ZBTB40: variants seen among roughly 807,000 people sequenced by gnomAD.
ZBTB40 encodes the protein zinc finger and BTB domain containing 40, also known as zinc finger and BTB domain-containing protein 40.
ZBTB40 carries 60 observed loss-of-function variants against 117.5 expected under a neutral mutation model. The observed-to-expected ratio is 0.51, with a 90% CI of 0.41 to 0.63. The LOEUF (loss-of-function observed/expected upper bound fraction) is 0.63, where lower values mean the gene tolerates loss of function less well. Among genes scored for constraint, ZBTB40 ranks in the 30% least tolerant of loss-of-function variants. The pLI is 0.00. For missense variants in ZBTB40, 1,287 were observed against 1,498.5 expected (o/e 0.86, Z 2.33); for synonymous variants, 525 against 577.1 (o/e 0.91, Z 1.29).
At chr1:22,520,522 C>G (rs528968972) in intron 14 of ZBTB40, among the ~76,000 whole-genome samples, 1 of 152,316 alleles carries the variant, frequency 6.6e-6, no homozygotes, top group African/African-American at 2.4e-5. Context: ...AGACAGCAGA[C>G]TTGTCGTGAA....
intron 1 of ZBTB40, among the ~76,000 whole-genome samples, chr1:22,482,796 G>A (rs1638359728): frequency 6.6e-6 from 1 of 152,172 alleles, no homozygotes; most frequent in African/African-American, 2.4e-5. Context: ...TTAAGGCCGG[G>A]TGCGGTGGCT....
At chr1:22,452,908 C>T (rs1640917408) in intron 1 of ZBTB40, 1 of 152,332 alleles carries the variant, frequency 6.6e-6, no homozygotes, top group Non-Finnish European at 1.5e-5. Context: ...TATTTATATT[C>T]ATACAAGTGT....
chr1:22,512,270 G>A (rs1639261168), intron 11 of ZBTB40, 136 bp downstream of exon 11: 2 of 1,006,240 alleles, frequency 2.0e-6, no homozygotes, highest in Non-Finnish European at 3.0e-6. Flanking sequence ...TACAGAGGCA[G>A]GGTAATATTT....
rs1435187586 is a variant in ZBTB40 at position 22,529,790 on chromosome 1, A to T, written c.*3394A>T. 2 of 152,202 alleles carry T rather than the reference A, an allele frequency of 1.3e-5. No homozygotes were observed. Among genetic ancestry groups the T allele is most frequent in the Admixed American group, 1.3e-4 (2 of 15,276 alleles). 9.4% of individuals were successfully genotyped at this position (152,202 alleles called of 1,614,324 possible). A position where few individuals can be genotyped will look rare whatever the true frequency, so the allele number is the denominator to read the frequency against. ...CTCTGAGGAAGCATTCTGACTTCCC[A>T]CTGACCACGGAAGGCATGTCAGCTT... is the stretch of plus-strand genomic sequence containing the variant. On this transcript the variant is annotated 3_prime_UTR_variant, in exon 18 of 18. Coordinates refer to ENST00000375647, the MANE Select transcript of ZBTB40 (RefSeq NM_014870.4).
At chr1:22,429,647 AC>A (rs1434264426) in intron 1 of ZBTB40, among the ~76,000 whole-genome samples, 1 of 152,212 alleles carries the variant, frequency 6.6e-6, no homozygotes, top group Non-Finnish European at 1.5e-5. Flanking sequence ...TGGAAAGTAT[AC>A]TGGGCTGGTT....
At chr1:22,459,901 T>C (rs1380724535) in intron 1 of ZBTB40, among the ~76,000 whole-genome samples, 2 of 152,242 alleles carry the variant, frequency 1.3e-5, no homozygotes, top group Admixed American at 6.5e-5. Context: ...TGTTTTTCCT[T>C]ATATAAAATC....
At chr1:22,443,811 T>C (rs1640759642) in intron 1 of ZBTB40, among the ~76,000 whole-genome samples, 1 of 152,130 alleles carries the variant, frequency 6.6e-6, no homozygotes. Context: ...TGATGTCAGG[T>C]TGGAATTTGG....
intron 1 of ZBTB40, among the ~76,000 whole-genome samples, chr1:22,485,302 G>C (rs1416429819): frequency 6.6e-6 from 1 of 152,146 alleles, no homozygotes; most frequent in Admixed American, 6.5e-5. Context: ...GGAGGTTATT[G>C]TTGATTCACC....
In ZBTB40 at chr1:22,530,054, C is replaced by A. The variant is rs145926184; in HGVS notation, c.*3658C>A. 6.6e-6 allele frequency: 1 copy of A among 151,920 alleles called. No individual in the cohort carries two copies. 9.4% of individuals were successfully genotyped at this position (151,920 alleles called of 1,614,324 possible). Reference sequence around the variant, plus strand: ...GTGGCGGGTGTGTGTTTAAACCTCACGTGCCTGGAAGCTGCACATTGACCA... The same window carrying A: ...GTGGCGGGTGTGTGTTTAAACCTCAAGTGCCTGGAAGCTGCACATTGACCA... On this transcript the variant is annotated 3_prime_UTR_variant, in exon 18 of 18. Coordinates refer to ENST00000375647, the MANE Select transcript of ZBTB40 (RefSeq NM_014870.4).
Position 22,521,566 on chromosome 1 carries a change from C to T in ZBTB40, c.3119C>T (p.Ser1040Phe), listed in dbSNP as rs200118162. 1 of 1,614,244 alleles carries T rather than the reference C, an allele frequency of 6.2e-7. No individual in the cohort carries two copies. The highest frequency in any genetic ancestry group is 1.7e-5 in the Admixed American group (1 of 60,032). The change falls in exon 15 of 18, where the codon TCT (serine) becomes TTT (phenylalanine). Residue 1040 changes from serine to phenylalanine, a missense_variant. Physicochemically the swap from Ser to Phe is radical, Grantham distance 155. Around this residue, in one of 2 missense-constraint regions of ZBTB40, gnomAD observed 417 missense variants for 564.1 expected, o/e 0.74. Transcript: ENST00000375647. ...GTATTTGCTGCTCAGAACCACCGAT[C>T]TTCCAAGTTCTCATCACTCCAGTGC... ...PDVFAAQNHRSSKFSSLQCSS... is the reference protein window; with the variant it reads ...PDVFAAQNHRFSKFSSLQCSS...
chr1:22,459,940 C>T (rs914348049), intron 1 of ZBTB40, among the ~76,000 whole-genome samples: 11 of 152,066 alleles, frequency 7.2e-5, no homozygotes, highest in African/African-American at 1.9e-4. Flanking sequence ...TTTATTAGAC[C>T]TTTATTCTTA....
At chr1:22,453,383 G>A (rs1166575325) in intron 1 of ZBTB40, among the ~76,000 whole-genome samples, 2 of 152,160 alleles carry the variant, frequency 1.3e-5, no homozygotes, top group Non-Finnish European at 1.5e-5. Flanking sequence ...CACTTACTGT[G>A]TACCAGAGAC....
intron 8 of ZBTB40, 119 bp downstream of exon 8, chr1:22,508,850 G>A (rs1460519956): frequency 3.4e-6 from 4 of 1,170,754 alleles, no homozygotes; most frequent in South Asian, 2.8e-5. Context: ...TTAGAAGTAA[G>A]GACTGGCAGT....
In ZBTB40 at chr1:22,521,676, C is replaced by T; in HGVS notation, c.3211+18C>T. 1 of 1,614,228 alleles carries T rather than the reference C, an allele frequency of 6.2e-7. No individual in the cohort carries two copies. Among genetic ancestry groups the T allele is most frequent in the Non-Finnish European group, 8.5e-7 (1 of 1,180,038 alleles). ...ACATGCAGGTGGAGTTTGGGTACCGCCGGCAGAGAGCGGGAGGGGCTTGAT... is the reference window on the plus strand; with the variant it reads ...ACATGCAGGTGGAGTTTGGGTACCGTCGGCAGAGAGCGGGAGGGGCTTGAT... On this transcript the variant is annotated intron_variant, in intron 15 of 17. Transcript: ENST00000375647.
intron 12 of ZBTB40, 41 bp from the exon 13 acceptor site, chr1:22,517,259 A>G: frequency 6.2e-7 from 1 of 1,612,182 alleles, no homozygotes; most frequent in Non-Finnish European, 8.5e-7. Context: ...AATGCCATAA[A>G]TTTTTAGTGC....
intron 3 of ZBTB40, among the ~76,000 whole-genome samples, chr1:22,499,226 T>C (rs1364663818): frequency 6.6e-6 from 1 of 152,214 alleles, no homozygotes. Context: ...GCCACATGGG[T>C]GTCTCCGTAG....
At chr1:22,447,042 G>A (rs187754657), upstream of ZBTB40, among the ~76,000 whole-genome samples, 1 of 151,796 alleles carries the variant, frequency 6.6e-6, no homozygotes, top group Admixed American at 6.6e-5. Flanking sequence ...GGTCGAGGCT[G>A]CAGTGAGCCA....
intron 1 of ZBTB40, among the ~76,000 whole-genome samples, chr1:22,469,214 A>G (rs1641339651): frequency 6.6e-6 from 1 of 152,156 alleles, no homozygotes; most frequent in Non-Finnish European, 1.5e-5. Context: ...TAAAGCTTAC[A>G]TTTTTATGTA....
intron 17 of ZBTB40, 24 bp downstream of exon 17, chr1:22,524,468 AT>A (rs761193397): frequency 9.3e-6 from 15 of 1,608,796 alleles, no homozygotes; most frequent in Non-Finnish European, 9.3e-6. Flanking sequence ...CATCAGCTAC[AT>A]TAGAATGCTA....
Sources: allele counts gnomAD v4.1 joint callset (sites outside exome capture counted in the v4.1 genomes callset), GRCh38; gene constraint gnomAD v4.1.1; regional missense constraint gnomAD v4.1.1; transcripts MANE v1.5; gene names NCBI Gene and HGNC (gene_info 2026-07-23, HGNC 2026-07-21).